The following WIPF3 variants were observed in gnomAD, a reference collection of about 807,000 sequenced individuals.
WIPF3 encodes WAS/WASL interacting protein family member 3, also known as WAS/WASL-interacting protein family member 3.
In WIPF3, 33 loss-of-function variants were observed where a neutral mutation model predicts 38.9. The ratio of observed to expected loss-of-function variants is 0.85; its 90% CI spans 0.64 to 1.14. WIPF3 has a LOEUF of 1.14. Ranked by LOEUF, WIPF3 falls within the 50% of genes most tolerant of loss-of-function variation. The pLI, the probability that WIPF3 is intolerant of heterozygous loss-of-function variation, is 0.00. For missense variants in WIPF3, 711 were observed against 652.5 expected, an observed-to-expected ratio of 1.09 and a Z score of -0.98; for synonymous variants, 324 against 269.3, an observed-to-expected ratio of 1.20 and a Z score of -1.99.
chr7:29,828,856 GT>G (rs1784669798), intron 1 of WIPF3, among the ~76,000 whole-genome samples: 1 of 152,242 alleles, frequency 6.6e-6, no homozygotes, highest in Non-Finnish European at 1.5e-5. Context: ...CATAGGGTAA[GT>G]GTTCAAAAGA....
At chr7:29,889,205 A>T in intron 6 of WIPF3, 101 bp from the exon 7 acceptor site, 1 of 923,048 alleles carries the variant, frequency 1.1e-6, no homozygotes. Flanking sequence ...CAAACAGAAA[A>T]CGGTGGATGC....
chr7:29,888,222 G>T lies in WIPF3; in HGVS notation c.1249+5G>T, dbSNP rs1395204152. 1 of 1,604,850 alleles carries T rather than the reference G, an allele frequency of 6.2e-7. No homozygotes were observed. Reference sequence around the variant, plus strand: ...ATGGAAGCCTGCACATCATTGGTAAGTGGGTTGCACCCTCTGCCGGTTTGG... The same window carrying T: ...ATGGAAGCCTGCACATCATTGGTAATTGGGTTGCACCCTCTGCCGGTTTGG... On this transcript the variant is annotated splice_donor_5th_base_variant and intron_variant, in intron 6 of 8. Coordinates refer to ENST00000242140, the MANE Select transcript of WIPF3 (RefSeq NM_001080529.3).
At chr7:29,816,613 G>A (rs1784462578) in intron 1 of WIPF3, among the ~76,000 whole-genome samples, 1 of 152,150 alleles carries the variant, frequency 6.6e-6, no homozygotes, top group South Asian at 2.1e-4. Context: ...GGCATGAGCT[G>A]CCCTGCCCAG....
chr7:29,890,864 C>T (rs1377627696), intron 7 of WIPF3, among the ~76,000 whole-genome samples: 11 of 142,134 alleles, frequency 7.7e-5, no homozygotes, highest in Admixed American at 1.4e-4. Flanking sequence ...TGTGGGCCTG[C>T]CCTGTGCTCA....
chr7:29,840,366 C>G (rs1034237506), intron 2 of WIPF3, among the ~76,000 whole-genome samples: 14 of 152,328 alleles, frequency 9.2e-5, no homozygotes, highest in African/African-American at 3.4e-4. Context: ...GTCATCCCAG[C>G]TCAGGTGTCC....
At position 29,823,148 on chromosome 7, in the gene WIPF3, C is replaced by A. The variant is rs2391802; in HGVS notation, c.-57-11520C>A. Among the ~76,000 whole-genome samples the A allele has an allele frequency of 0.57, 86,397 of 152,106 alleles. 24,731 individuals are homozygous for A. The highest frequency in any genetic ancestry group is 0.65 in the Middle Eastern group (192 of 294). ...TTCTTGAACAAATAGATGGGAATTA[C>A]AGCCAGAACTAGAAACCAGTTTTCC... On this transcript the variant is annotated intron_variant, in intron 1 of 8. Transcript: ENST00000242140. This position sits in a 1 kb window ranked among gnomAD's most constrained non-coding sequence, Gnocchi z 4.0.
chr7:29,864,547 G>T (rs369627489), intron 2 of WIPF3, among the ~76,000 whole-genome samples: 5 of 152,202 alleles, frequency 3.3e-5, no homozygotes, highest in African/African-American at 1.2e-4. Context: ...TTAGGGTTAT[G>T]AAGTACAAAT....
intron 8 of WIPF3, chr7:29,905,956 A>G (rs1449456503): frequency 2.0e-5 from 3 of 152,232 alleles, no homozygotes; most frequent in Non-Finnish European, 4.4e-5. Flanking sequence ...GAAAAGACCA[A>G]GAAGACCTTA....
chr7:29,821,640 A>C (rs1784538081), intron 1 of WIPF3, among the ~76,000 whole-genome samples: 1 of 152,098 alleles, frequency 6.6e-6, no homozygotes, highest in Non-Finnish European at 1.5e-5. Context: ...AGCTTTCTTA[A>C]ATTATATGCT....
intron 8 of WIPF3, chr7:29,904,696 A>G (rs141197621): frequency 7.7e-4 from 191 of 246,892 alleles, no homozygotes; most frequent in African/African-American, 4.2e-3. Context: ...CATGTATAAA[A>G]CATAATTCAG....
chr7:29,848,543 G>T (rs1211243730), intron 2 of WIPF3, among the ~76,000 whole-genome samples: 1 of 152,122 alleles, frequency 6.6e-6, no homozygotes, highest in Non-Finnish European at 1.5e-5. Context: ...CTAGTGCTGT[G>T]GGTTGGTCTT....
In WIPF3 at chr7:29,837,863, A is replaced by G. The variant is rs185711058; in HGVS notation, c.90+3049A>G. Among the ~76,000 whole-genome samples, 41 of 152,320 alleles carry G rather than the reference A, an allele frequency of 2.7e-4. 1 individual carries two copies. Among genetic ancestry groups the G allele is most frequent in the Admixed American group, 1.2e-3 (19 of 15,302 alleles). ...TAAGAACAAATTAAAATAATGAGAA[A>G]CCATTTTTATCTATCAGTTTAGTGA... On this transcript the variant is annotated intron_variant, in intron 2 of 8. Transcript: ENST00000242140.
chr7:29,851,504 A>T (rs1785095901), intron 2 of WIPF3, among the ~76,000 whole-genome samples: 2 of 152,106 alleles, frequency 1.3e-5, no homozygotes, highest in African/African-American at 4.8e-5. Context: ...CTCACCATTG[A>T]CTTACATTCA....
chr7:29,905,296 G>A (rs1406477285), intron 8 of WIPF3: 1 of 152,156 alleles, frequency 6.6e-6, no homozygotes, highest in East Asian at 1.9e-4. Context: ...AGTTAAGGAA[G>A]AAGTATATAT....
chr7:29,916,713 A>G lies in WIPF3; in HGVS notation c.*2197A>G, dbSNP rs1258055341. 7.4e-6 allele frequency: 1 copy of G among 135,742 alleles called. No homozygotes were observed. The highest frequency in any genetic ancestry group is 1.5e-5 in the Non-Finnish European group (1 of 65,086). 8.4% of individuals were successfully genotyped at this position (135,742 alleles called of 1,614,324 possible). A position where few individuals can be genotyped will look rare whatever the true frequency, so the allele number is the denominator to read the frequency against. ...GGGCAACAGAGCGAGACCCTAACTC[A>G]AAAAAAAAAAAGGACAGAGGGGAGG... On this transcript the variant is annotated 3_prime_UTR_variant, in exon 9 of 9. Transcript: ENST00000242140.
chr7:29,912,056 T>C (rs1315258848), intron 8 of WIPF3, among the ~76,000 whole-genome samples: 3 of 152,168 alleles, frequency 2.0e-5, no homozygotes, highest in African/African-American at 7.2e-5. Flanking sequence ...ATCCATGATA[T>C]ATACAGAACT....
chr7:29,886,247 T>C (rs1162313908), intron 5 of WIPF3, among the ~76,000 whole-genome samples: 3 of 152,136 alleles, frequency 2.0e-5, no homozygotes, highest in Admixed American at 2.0e-4. Flanking sequence ...TCATTCTCTT[T>C]TCAATTGACT....
intron 1 of WIPF3, among the ~76,000 whole-genome samples, chr7:29,812,473 C>T (rs1583587126): frequency 6.6e-6 from 1 of 152,202 alleles, no homozygotes; most frequent in Non-Finnish European, 1.5e-5. Flanking sequence ...GATATGGCTG[C>T]AGTATCTCTA....
chr7:29,888,258 G>A (rs1242607200), intron 6 of WIPF3, 41 bp downstream of exon 6: 7 of 1,570,456 alleles, frequency 4.5e-6, no homozygotes, highest in Non-Finnish European at 6.0e-6. Context: ...CTGCCAGTAG[G>A]AAAGTGATTC....
Sources: gnomAD v4.1 joint callset for allele counts (sites outside exome capture counted in the v4.1 genomes callset) on GRCh38, gnomAD v4.1.1 for gene constraint, Gnocchi (gnomAD v3.1) non-coding constraint, MANE v1.5 for transcripts, NCBI Gene and HGNC (gene_info 2026-07-23, HGNC 2026-07-21) for gene names.